Variants in LOC128706666 observed in about 807,000 individuals in gnomAD.
the LOC128706666 span, among the ~76,000 whole-genome samples, chr20:10,417,882 A>G: frequency 6.6e-6 from 1 of 152,228 alleles, no homozygotes; most frequent in African/African-American, 2.4e-5. Flanking sequence ...TGACAAGATG[A>G]GGAAGCAATC....
the LOC128706666 span, among the ~76,000 whole-genome samples, chr20:10,427,198 A>G: frequency 2.0e-5 from 3 of 152,122 alleles, no homozygotes; most frequent in African/African-American, 7.2e-5. Flanking sequence ...AGTTTTTTTA[A>G]TTGCTTCCTG....
At chr20:10,419,390 C>T in the LOC128706666 span, among the ~76,000 whole-genome samples, 4 of 151,962 alleles carry the variant, frequency 2.6e-5, 1 homozygote, top group East Asian at 1.9e-4. Flanking sequence ...TATAGTATAA[C>T]GCTATATTAT....
chr20:10,419,413 G>A, the LOC128706666 span, among the ~76,000 whole-genome samples: 4 of 151,994 alleles, frequency 2.6e-5, no homozygotes, highest in South Asian at 6.3e-4. Flanking sequence ...TAAATCAAAC[G>A]TGACAAATGC....
the LOC128706666 span, among the ~76,000 whole-genome samples, chr20:10,415,096 T>C: frequency 6.6e-6 from 1 of 152,158 alleles, no homozygotes; most frequent in Non-Finnish European, 1.5e-5. Flanking sequence ...GTAGTGTCCT[T>C]GCTAAAAAAA....
the LOC128706666 span, among the ~76,000 whole-genome samples, chr20:10,418,548 C>T: frequency 2.0e-5 from 3 of 152,134 alleles, no homozygotes; most frequent in Non-Finnish European, 4.4e-5. Flanking sequence ...TAAATATCTG[C>T]TTCTGCTTGC....
the LOC128706666 span, among the ~76,000 whole-genome samples, chr20:10,417,888 C>G: frequency 6.6e-6 from 1 of 151,968 alleles, no homozygotes; most frequent in Admixed American, 6.6e-5. Flanking sequence ...GATGAGGAAG[C>G]AATCAGCCAA....
the LOC128706666 span, chr20:10,431,777 T>TA: frequency 6.6e-6 from 1 of 152,242 alleles, no homozygotes; most frequent in Non-Finnish European, 1.5e-5. Context: ...TCTTCTCTGC[T>TA]ATATTCCTAG....
the LOC128706666 span, among the ~76,000 whole-genome samples, chr20:10,433,695 C>T: frequency 1.6e-4 from 25 of 152,108 alleles, 1 homozygote; most frequent in Admixed American, 1.6e-3. Flanking sequence ...CGGAGGGCGG[C>T]CCCCACCTCC....
At chr20:10,423,097 C>T in the LOC128706666 span, among the ~76,000 whole-genome samples, 4 of 151,976 alleles carry the variant, frequency 2.6e-5, no homozygotes, top group African/African-American at 9.7e-5. Context: ...CATTTGTCAG[C>T]TTTTTTCTGA....
the LOC128706666 span, among the ~76,000 whole-genome samples, chr20:10,429,705 TAA>T: frequency 6.6e-6 from 1 of 152,182 alleles, no homozygotes; most frequent in African/African-American, 2.4e-5. Context: ...CCATTTGACA[TAA>T]GTGTTTCTTT....
At chr20:10,432,108 G>A in the LOC128706666 span, among the ~76,000 whole-genome samples, 1 of 152,180 alleles carries the variant, frequency 6.6e-6, no homozygotes, top group African/African-American at 2.4e-5. Flanking sequence ...GAGAGTTGAA[G>A]TTAGGCCCTT....
the LOC128706666 span, chr20:10,413,902 T>C: frequency 1.7e-5 from 7 of 420,468 alleles, no homozygotes; most frequent in Non-Finnish European, 2.5e-5. Context: ...TCTTTCGATA[T>C]GAAGCTCAGA....
At chr20:10,427,019 A>ACACT in the LOC128706666 span, among the ~76,000 whole-genome samples, 6,528 of 120,706 alleles carry the variant, frequency 0.054, 228 homozygotes, top group Admixed American at 0.082. Context: ...GGCCAAGAAA[A>ACACT]GAAAACACTG....
chr20:10,432,530 T>C, the LOC128706666 span, among the ~76,000 whole-genome samples: 2 of 152,170 alleles, frequency 1.3e-5, no homozygotes, highest in African/African-American at 4.8e-5. Context: ...CCGTGGGTCA[T>C]GCCTGTAATC....
the LOC128706666 span, among the ~76,000 whole-genome samples, chr20:10,428,979 C>A: frequency 6.6e-6 from 1 of 152,148 alleles, no homozygotes; most frequent in Admixed American, 6.5e-5. Flanking sequence ...TACCTCCAAC[C>A]TTCCACTCTT....
At chr20:10,417,539 A>T in the LOC128706666 span, among the ~76,000 whole-genome samples, 2 of 152,146 alleles carry the variant, frequency 1.3e-5, no homozygotes, top group African/African-American at 2.4e-5. Flanking sequence ...TGTGCCCAAG[A>T]GTTTGAGGCT....
chr20:10,433,790 C>G, the LOC128706666 span, among the ~76,000 whole-genome samples: 4 of 152,138 alleles, frequency 2.6e-5, no homozygotes, highest in African/African-American at 7.2e-5. Flanking sequence ...CGGGGAGTCA[C>G]AGGTTCGGCG....
chr20:10,422,770 G>A, the LOC128706666 span, among the ~76,000 whole-genome samples: 1 of 150,222 alleles, frequency 6.7e-6, no homozygotes, highest in African/African-American at 2.5e-5. Context: ...GTAGTGCAGT[G>A]GTGCGATCTC....
the LOC128706666 span, among the ~76,000 whole-genome samples, chr20:10,422,314 A>G: frequency 2.6e-5 from 4 of 152,122 alleles, no homozygotes; most frequent in African/African-American, 9.7e-5. Flanking sequence ...GTACTGTGGT[A>G]TACTATATAC....
Sources: allele counts gnomAD v4.1 joint callset (sites outside exome capture counted in the v4.1 genomes callset), GRCh38; gene constraint gnomAD v4.1.1; transcripts MANE v1.5.